IL1RAPL1: variants seen among roughly 807,000 people sequenced by gnomAD.
The protein encoded by IL1RAPL1 is interleukin 1 receptor accessory protein like 1.
IL1RAPL1 carries 3 observed loss-of-function variants against 48.4 expected under a neutral mutation model. That is an observed-to-expected ratio of 0.06 (90% CI 0.03 to 0.16). IL1RAPL1 has a LOEUF of 0.16. Ranked by LOEUF, IL1RAPL1 falls within the 10% of genes least tolerant of loss-of-function variation. IL1RAPL1 has a pLI of 1.00. For missense variants in IL1RAPL1, 349 were observed against 530.6 expected (o/e 0.66, Z 3.36); for synonymous variants, 185 against 187.7 (o/e 0.99, Z 0.12).
At chrX:29,640,948 T>A (rs1216633945) in intron 5 of IL1RAPL1, among the ~76,000 whole-genome samples, 1 of 111,156 alleles carries the variant, frequency 9.0e-6, no homozygotes, top group African/African-American at 3.3e-5. Context: ...GAGGATTGCT[T>A]GAGCACAGGA....
At chrX:29,018,324 A>G (rs1926287157) in intron 2 of IL1RAPL1, among the ~76,000 whole-genome samples, 2 of 112,213 alleles carry the variant, frequency 1.8e-5, no homozygotes, top group Admixed American at 1.9e-4. Context: ...CTGTTGATGT[A>G]TTCATGCATG....
intron 1 of IL1RAPL1, among the ~76,000 whole-genome samples, chrX:28,674,235 C>T (rs900845460): frequency 5.4e-5 from 6 of 110,161 alleles, no homozygotes; most frequent in Non-Finnish European, 1.1e-4. Context: ...CTTTATTATT[C>T]TGTGGCTAAG....
At chrX:29,024,935 A>G (rs938890005) in intron 2 of IL1RAPL1, among the ~76,000 whole-genome samples, 7 of 111,672 alleles carry the variant, frequency 6.3e-5, no homozygotes, top group African/African-American at 2.3e-4. Context: ...AAGAAACACC[A>G]TACTTGTTAG....
chrX:29,462,709 T>C (rs1396836315), intron 5 of IL1RAPL1, among the ~76,000 whole-genome samples: 1 of 111,621 alleles, frequency 9.0e-6, no homozygotes, highest in East Asian at 2.8e-4. Flanking sequence ...TTTCACCTCA[T>C]AGTCAGTTTG....
chrX:28,691,217 A>G lies in IL1RAPL1; in HGVS notation c.-24-98103A>G, dbSNP rs1935175323. Among the ~76,000 whole-genome samples, 3 of 110,880 alleles carry G rather than the reference A, an allele frequency of 2.7e-5. No homozygotes were observed. In the South Asian group the frequency reaches 1.2e-3, roughly 43 times the overall value. On this transcript the variant is annotated intron_variant, in intron 1 of 10. Transcript: ENST00000378993. ...TACTCTCTGAATTCTGGCCTCACCA[A>G]CTTCTTTAAGTCATTTATAAGTGTC... is the stretch of plus-strand genomic sequence containing the variant.
intron 2 of IL1RAPL1, among the ~76,000 whole-genome samples, chrX:28,978,902 C>T (rs1287991530): frequency 1.8e-5 from 2 of 111,922 alleles, no homozygotes; most frequent in Non-Finnish European, 3.8e-5. Context: ...AGTGAAAAGC[C>T]AGTAGAATGA....
chrX:29,144,597 C>A (rs1929308968), intron 2 of IL1RAPL1, among the ~76,000 whole-genome samples: 1 of 60,472 alleles, frequency 1.7e-5, no homozygotes, highest in Non-Finnish European at 2.9e-5. Flanking sequence ...GAATGAAACT[C>A]AGTCTCAAAA....
intron 5 of IL1RAPL1, among the ~76,000 whole-genome samples, chrX:29,577,795 C>A (rs1274757213): frequency 9.0e-6 from 1 of 111,701 alleles, no homozygotes; most frequent in Non-Finnish European, 1.9e-5. Flanking sequence ...TCTGCTATAA[C>A]CTGATATGAT....
At chrX:29,884,779 A>C (rs1481375459) in intron 6 of IL1RAPL1, among the ~76,000 whole-genome samples, 1 of 111,644 alleles carries the variant, frequency 9.0e-6, no homozygotes, top group Non-Finnish European at 1.9e-5. Flanking sequence ...CGGTAACTCC[A>C]GTTGTCAGTT....
chrX:29,117,782 C>T, intron 2 of IL1RAPL1, among the ~76,000 whole-genome samples: 1 of 111,124 alleles, frequency 9.0e-6, no homozygotes, highest in Non-Finnish European at 1.9e-5. Flanking sequence ...TCATCAACCC[C>T]AGTCATAATA....
chrX:28,703,743 A>C (rs773757565), intron 1 of IL1RAPL1, among the ~76,000 whole-genome samples: 2 of 111,971 alleles, frequency 1.8e-5, no homozygotes, highest in East Asian at 5.7e-4. Flanking sequence ...ATCGCCTTAC[A>C]TGTCTACTCT....
intron 2 of IL1RAPL1, among the ~76,000 whole-genome samples, chrX:28,972,856 A>C (rs2147370099): frequency 9.0e-6 from 1 of 111,591 alleles, no homozygotes; most frequent in Admixed American, 9.5e-5. Context: ...TCACCTTTAT[A>C]GATTCAGCAA....
At chrX:29,008,141 A>C (rs1363772814) in intron 2 of IL1RAPL1, among the ~76,000 whole-genome samples, 1 of 110,109 alleles carries the variant, frequency 9.1e-6, no homozygotes, top group Non-Finnish European at 1.9e-5. Flanking sequence ...AGCTGAGATT[A>C]CAGGTGTGCA....
chrX:29,630,212 A>G (rs1367794323), intron 5 of IL1RAPL1, among the ~76,000 whole-genome samples: 1 of 111,083 alleles, frequency 9.0e-6, no homozygotes, highest in African/African-American at 3.3e-5. Flanking sequence ...TAAGGGTACT[A>G]ACTGCCTTTA....
chrX:29,185,621 C>G (rs181731236), intron 2 of IL1RAPL1, among the ~76,000 whole-genome samples: 1 of 111,756 alleles, frequency 8.9e-6, no homozygotes, highest in East Asian at 2.8e-4. Flanking sequence ...AGGAGGCACT[C>G]TATGAGTGCT....
In IL1RAPL1 at chrX:28,849,312, A is replaced by T. The variant is rs777218288; in HGVS notation, c.82+59887A>T. On this transcript the variant is annotated intron_variant, in intron 2 of 10. Coordinates refer to ENST00000378993, the MANE Select transcript of IL1RAPL1 (RefSeq NM_014271.4). ...TGTGTACCCATTCAAGTCTGAGAAC[A>T]TGCACTTCACTGTAGTTTTACCTCC... Among the ~76,000 whole-genome samples, 4 of 111,737 alleles carry T rather than the reference A, an allele frequency of 3.6e-5. No individual in the cohort carries two copies. The South Asian group carries it at 1.5e-3, about 42-fold the overall frequency.
At chrX:29,237,657 C>T (rs1931335422) in intron 2 of IL1RAPL1, among the ~76,000 whole-genome samples, 1 of 112,557 alleles carries the variant, frequency 8.9e-6, no homozygotes, top group Non-Finnish European at 1.9e-5. Context: ...CGTGTCTTTA[C>T]AGACATTACC....
At chrX:29,332,653 A>ATT (rs1166480434) in intron 3 of IL1RAPL1, among the ~76,000 whole-genome samples, 4 of 65,635 alleles carry the variant, frequency 6.1e-5, no homozygotes, top group Admixed American at 1.6e-4. Flanking sequence ...TATTTATTTT[A>ATT]TTTTTTTTTT....
At chrX:28,748,965 C>A (rs1397330055) in intron 1 of IL1RAPL1, among the ~76,000 whole-genome samples, 1 of 111,566 alleles carries the variant, frequency 9.0e-6, no homozygotes, top group Non-Finnish European at 1.9e-5. Context: ...AATCACTGTT[C>A]TATATCTCAA....
Sources: allele counts gnomAD v4.1 joint callset (sites outside exome capture counted in the v4.1 genomes callset), GRCh38; gene constraint gnomAD v4.1.1; transcripts MANE v1.5; gene names NCBI Gene and HGNC (gene_info 2026-07-23, HGNC 2026-07-21).